The following SRD5A1 variants were observed in gnomAD, a reference collection of about 807,000 sequenced individuals.
SRD5A1 encodes steroid 5 alpha-reductase 1, also known as 3-oxo-5-alpha-steroid 4-dehydrogenase 1.
A neutral mutation model predicts 28.2 loss-of-function variants in SRD5A1; 22 were observed. The observed-to-expected ratio is 0.78, with a 90% CI of 0.56 to 1.12. SRD5A1 has a LOEUF of 1.12. SRD5A1 is among the 50% of genes most tolerant of loss of function. The pLI is 0.00. For synonymous variants in SRD5A1, 151 were observed against 135.0 expected (o/e 1.12, Z -0.82); for missense variants, 300 against 346.7 (o/e 0.87, Z 1.07).
chr5:6,646,441 T>C (rs1738512968), intron 1 of SRD5A1, among the ~76,000 whole-genome samples: 1 of 152,238 alleles, frequency 6.6e-6, no homozygotes, highest in Admixed American at 6.5e-5. Context: ...AATTACTGCC[T>C]CAATTTCAGA....
At chr5:6,645,272 CAA>C (rs1238252880) in intron 1 of SRD5A1, 4 of 260,170 alleles carry the variant, frequency 1.5e-5, no homozygotes, top group Non-Finnish European at 3.1e-5. Context: ...AGAATGGAAA[CAA>C]ATAACAAGCT....
chr5:6,646,352 A>G (rs1738510949), intron 1 of SRD5A1, among the ~76,000 whole-genome samples: 1 of 152,232 alleles, frequency 6.6e-6, no homozygotes, highest in Non-Finnish European at 1.5e-5. Context: ...TCCTTTGGGT[A>G]TATACCCAGT....
chr5:6,647,465 T>C (rs908052909), intron 1 of SRD5A1, among the ~76,000 whole-genome samples: 1 of 152,234 alleles, frequency 6.6e-6, no homozygotes, highest in African/African-American at 2.4e-5. Context: ...TGCTCCTGTA[T>C]TGGGTGCATA....
rs1025882567 is a variant in SRD5A1 at position 6,656,072 on chromosome 5, C to G, written c.461-6C>G. 17 of 1,611,542 alleles carry G rather than the reference C, an allele frequency of 1.1e-5. No individual in the cohort carries two copies. Among genetic ancestry groups the G allele is most frequent in the Non-Finnish European group, 1.4e-5 (17 of 1,178,602 alleles). On this transcript the variant is annotated splice_polypyrimidine_tract_variant and splice_region_variant and intron_variant, in intron 2 of 4. Coordinates refer to ENST00000274192, the MANE Select transcript of SRD5A1 (RefSeq NM_001047.4). ...CCATAATCATCTTGCAATTTTTTTCCTTTAGGTTTTGGCTTGTGGTTAACG... is the reference window on the plus strand; with the variant it reads ...CCATAATCATCTTGCAATTTTTTTCGTTTAGGTTTTGGCTTGTGGTTAACG...
At chr5:6,642,372 A>G (rs1173158258) in intron 1 of SRD5A1, among the ~76,000 whole-genome samples, 2 of 152,240 alleles carry the variant, frequency 1.3e-5, no homozygotes, top group African/African-American at 4.8e-5. Flanking sequence ...TTGCCTTTCC[A>G]TATGGTATTA....
At chr5:6,645,638 T>C (rs1228276320) in intron 1 of SRD5A1, among the ~76,000 whole-genome samples, 1 of 109,268 alleles carries the variant, frequency 9.2e-6, no homozygotes, top group Non-Finnish European at 1.9e-5. Context: ...AAACTCCATC[T>C]CAAAAAAAAA....
intron 4 of SRD5A1, among the ~76,000 whole-genome samples, chr5:6,666,391 G>A (rs1294719496): frequency 5.3e-5 from 8 of 152,066 alleles, no homozygotes; most frequent in Non-Finnish European, 1.2e-4. Context: ...CTCGTGATTT[G>A]CCCGCCTCAG....
chr5:6,671,213 G>A lies in SRD5A1; in HGVS notation c.*2945G>A, dbSNP rs1448878106. ...TTATGGCCGTTCTTGCAGGAGTAAG[G>A]GGGTATCGCACTGTAGTTTTTATTT... is the stretch of plus-strand genomic sequence containing the variant. On this transcript the variant is annotated 3_prime_UTR_variant, in exon 5 of 5. Transcript: ENST00000274192. 1 of 152,104 alleles carries A rather than the reference G, an allele frequency of 6.6e-6. No individual in the cohort carries two copies. 9.4% of individuals were successfully genotyped at this position (152,104 alleles called of 1,614,324 possible). A position where few individuals can be genotyped will look rare whatever the true frequency, so the allele number is the denominator to read the frequency against.
At chr5:6,655,941 C>A in intron 2 of SRD5A1, 137 bp from the exon 3 acceptor site, 1 of 651,650 alleles carries the variant, frequency 1.5e-6, no homozygotes, top group Non-Finnish European at 2.7e-6. Flanking sequence ...ATGGTTTTTA[C>A]TACCAGTTAT....
intron 1 of SRD5A1, among the ~76,000 whole-genome samples, chr5:6,641,619 C>T (rs927375706): frequency 1.3e-5 from 2 of 152,226 alleles, no homozygotes; most frequent in Non-Finnish European, 2.9e-5. Context: ...CTGGTGTCCC[C>T]TTCCAGGGCA....
At chr5:6,656,675 G>A (rs899023270) in intron 3 of SRD5A1, among the ~76,000 whole-genome samples, 1 of 152,168 alleles carries the variant, frequency 6.6e-6, no homozygotes, top group Admixed American at 6.5e-5. Flanking sequence ...CACCATGCTG[G>A]TTTATAACCC....
At chr5:6,663,181 C>G (rs1207171343) in intron 4 of SRD5A1, among the ~76,000 whole-genome samples, 1 of 152,214 alleles carries the variant, frequency 6.6e-6, no homozygotes, top group East Asian at 1.9e-4. Flanking sequence ...TATACCACGT[C>G]CTTAGCCTCT....
intron 4 of SRD5A1, among the ~76,000 whole-genome samples, chr5:6,667,136 G>GA (rs760304964): frequency 6.6e-6 from 1 of 152,210 alleles, no homozygotes; most frequent in Non-Finnish European, 1.5e-5. Context: ...CAGCTGTTAG[G>GA]CTTGGCCACG....
At position 6,633,695 on chromosome 5, in the gene SRD5A1, G is replaced by T; in HGVS notation, c.119G>T (p.Arg40Leu). The T allele has an allele frequency of 6.3e-7, 1 of 1,588,240 alleles. No homozygotes were observed. Among genetic ancestry groups the T allele is most frequent in the Non-Finnish European group, 8.5e-7 (1 of 1,174,948 alleles). ...RNRQTNSVYG[R>L]HALPSHRLRV... ...CGTCAGACGAACTCAGTGTACGGCC[G>T]CCACGCGCTGCCCAGCCACAGGCTC... The change falls in exon 1 of 5, where the codon CGC (arginine) becomes CTC (leucine). Residue 40 changes from arginine to leucine, a missense_variant. Coordinates refer to ENST00000274192, the MANE Select transcript of SRD5A1 (RefSeq NM_001047.4).
chr5:6,636,633 G>C (rs1738192054), intron 1 of SRD5A1, among the ~76,000 whole-genome samples: 1 of 152,166 alleles, frequency 6.6e-6, no homozygotes, highest in Non-Finnish European at 1.5e-5. Context: ...GCTCTTCCCA[G>C]AGCAACTGAC....
chr5:6,654,024 T>C (rs1273944128), intron 2 of SRD5A1, among the ~76,000 whole-genome samples: 2 of 152,120 alleles, frequency 1.3e-5, no homozygotes, highest in African/African-American at 4.8e-5. Flanking sequence ...ATGCCTACTG[T>C]AGTTACCATG....
chr5:6,666,402 C>A (rs2126555315), intron 4 of SRD5A1, among the ~76,000 whole-genome samples: 1 of 152,296 alleles, frequency 6.6e-6, no homozygotes, highest in East Asian at 1.9e-4. Context: ...CCCGCCTCAG[C>A]CTCCCAAAGC....
chr5:6,658,003 G>A (rs772085856), intron 3 of SRD5A1, among the ~76,000 whole-genome samples: 1 of 152,232 alleles, frequency 6.6e-6, no homozygotes, highest in Non-Finnish European at 1.5e-5. Flanking sequence ...GGGGAAAATT[G>A]TAATCAAAAT....
intron 2 of SRD5A1, among the ~76,000 whole-genome samples, chr5:6,652,886 A>AT (rs1738720529): frequency 6.6e-6 from 1 of 151,824 alleles, no homozygotes; most frequent in African/African-American, 2.4e-5. Context: ...AAAAAAAAAA[A>AT]AAAAAAACTC....
Sources: gnomAD v4.1 joint callset for allele counts (sites outside exome capture counted in the v4.1 genomes callset) on GRCh38, gnomAD v4.1.1 for gene constraint, MANE v1.5 for transcripts, NCBI Gene and HGNC (gene_info 2026-07-23, HGNC 2026-07-21) for gene names.